Variants in TRDN observed in about 807,000 individuals in gnomAD.
TRDN encodes triadin, also known as triadin in skeletal muscle.
TRDN carries 161 observed loss-of-function variants against 149.7 expected under a neutral mutation model. The ratio of observed to expected loss-of-function variants is 1.08; its 90% CI spans 0.95 to 1.23. The LOEUF (loss-of-function observed/expected upper bound fraction) is 1.23. TRDN is among the 50% of genes most tolerant of loss of function. TRDN has a pLI of 0.00. For synonymous variants in TRDN, 294 were observed against 250.5 expected, an observed-to-expected ratio of 1.17 and a Z score of -1.64; for missense variants, 896 against 823.5, an observed-to-expected ratio of 1.09 and a Z score of -1.08.
chr6:123,611,836 C>A (rs1028342372), intron 1 of TRDN, among the ~76,000 whole-genome samples: 1 of 152,136 alleles, frequency 6.6e-6, no homozygotes, highest in African/African-American at 2.4e-5. Context: ...ATTTTTGGAT[C>A]AGTCAGAACC....
chr6:123,374,247 G>A (rs1429854680), intron 19 of TRDN, among the ~76,000 whole-genome samples: 1 of 147,844 alleles, frequency 6.8e-6, no homozygotes, highest in Non-Finnish European at 1.5e-5. Context: ...ATAGATAGCA[G>A]AACTTACAGA....
chr6:123,255,158 A>C, intron 36 of TRDN, 33 bp from the exon 37 acceptor site: 1 of 1,024,038 alleles, frequency 9.8e-7, no homozygotes, highest in Non-Finnish European at 1.4e-6. Flanking sequence ...TTAAAATATA[A>C]ATTTTTAAAG....
At position 123,636,834 on chromosome 6, in the gene TRDN, G is replaced by A; in HGVS notation, c.-59C>T. ...TTCCCGTCAAGTTGCACTTTGCAGA[G>A]TATTTGGGGATTTGAGAACTCTGGT... On this transcript the variant is annotated 5_prime_UTR_variant, in exon 1 of 41. Coordinates refer to ENST00000334268, the MANE Select transcript of TRDN (RefSeq NM_006073.4). The A allele has an allele frequency of 6.2e-7, 1 of 1,606,600 alleles. No homozygotes were observed. Among genetic ancestry groups the A allele is most frequent in the Non-Finnish European group, 8.5e-7 (1 of 1,174,270 alleles).
chr6:123,628,565 G>A (rs930237271), intron 1 of TRDN, among the ~76,000 whole-genome samples: 3 of 152,104 alleles, frequency 2.0e-5, no homozygotes, highest in African/African-American at 7.2e-5. Flanking sequence ...AACGCATGCT[G>A]TTGGAAAAAT....
At chr6:123,348,078 T>A (rs1780324699) in intron 21 of TRDN, among the ~76,000 whole-genome samples, 1 of 152,072 alleles carries the variant, frequency 6.6e-6, no homozygotes, top group Non-Finnish European at 1.5e-5. Flanking sequence ...TTTTCCTTTT[T>A]TTTCTGTATA....
intron 4 of TRDN, among the ~76,000 whole-genome samples, chr6:123,539,148 T>C (rs1780697441): frequency 6.6e-6 from 1 of 152,184 alleles, no homozygotes; most frequent in Non-Finnish European, 1.5e-5. Context: ...TTTTTAGAGA[T>C]CTACAATTTA....
intron 12 of TRDN, among the ~76,000 whole-genome samples, chr6:123,424,772 T>G (rs1384002958): frequency 6.6e-6 from 1 of 152,124 alleles, no homozygotes; most frequent in Admixed American, 6.6e-5. Flanking sequence ...ATGAATAGCC[T>G]TTTACACCTT....
intron 38 of TRDN, among the ~76,000 whole-genome samples, chr6:123,240,463 AC>A (rs1180523732): frequency 6.6e-6 from 1 of 151,820 alleles, no homozygotes; most frequent in Non-Finnish European, 1.5e-5. Flanking sequence ...ACTTGCTGAA[AC>A]AACGTAAAAA....
chr6:123,448,195 G>A (rs918925406), intron 10 of TRDN, among the ~76,000 whole-genome samples: 2 of 152,178 alleles, frequency 1.3e-5, no homozygotes, highest in Non-Finnish European at 2.9e-5. Flanking sequence ...AAAATCTCTA[G>A]CTGAACTTTG....
In TRDN at chr6:123,622,511, G is replaced by C. The variant is rs537508422; in HGVS notation, c.22+14243C>G. Among the ~76,000 whole-genome samples, 118 of 152,198 alleles carry C rather than the reference G, an allele frequency of 7.8e-4. 1 individual carries two copies. Among genetic ancestry groups the C allele is most frequent in the Non-Finnish European group, 9.1e-4 (62 of 67,988 alleles). On this transcript the variant is annotated intron_variant, in intron 1 of 40. Transcript: ENST00000334268. ...GTGTCCTTACCCTTGTGTTGTTCAA[G>C]AGTCAACCGCATATGTGAGTTATGA...
At chr6:123,410,280 A>C (rs1773379207) in intron 12 of TRDN, among the ~76,000 whole-genome samples, 1 of 152,206 alleles carries the variant, frequency 6.6e-6, no homozygotes, top group Admixed American at 6.5e-5. Context: ...CAGATATAAG[A>C]GATCAAATTG....
At chr6:123,580,967 C>T (rs1295185086) in intron 1 of TRDN, among the ~76,000 whole-genome samples, 3 of 152,142 alleles carry the variant, frequency 2.0e-5, no homozygotes, top group East Asian at 1.9e-4. Flanking sequence ...GACAGGGTCT[C>T]GCTGTATTGC....
Position 123,266,979 on chromosome 6 carries a change from A to C in TRDN, c.1783+728T>G, listed in dbSNP as rs77608857. Among the ~76,000 whole-genome samples the C allele has an allele frequency of 8.2e-3, 1,209 of 147,834 alleles. 22 individuals carry two copies. The highest frequency in any genetic ancestry group is 0.079 in the East Asian group (394 of 5,004). On this transcript the variant is annotated intron_variant, in intron 32 of 40. Coordinates refer to ENST00000334268, the MANE Select transcript of TRDN (RefSeq NM_006073.4). The stretch of plus-strand genomic sequence containing the variant: ...AAAATTAGCTGGGCATGGTGGCAGG[A>C]GCCTGTAGTCCCAGCTACTCGGGAG...
At chr6:123,231,669 C>T (rs1406452622) in intron 38 of TRDN, among the ~76,000 whole-genome samples, 1 of 151,746 alleles carries the variant, frequency 6.6e-6, no homozygotes, top group Non-Finnish European at 1.5e-5. Context: ...ATATATGGCC[C>T]AATCATTTTA....
rs1778486598 is a variant in TRDN at position 123,497,219 on chromosome 6, A to G, written c.827T>C (p.Ile276Thr). 24 of 1,559,470 alleles carry G rather than the reference A, an allele frequency of 1.5e-5. No homozygotes were observed. The highest frequency in any genetic ancestry group is 2.1e-5 in the Non-Finnish European group (24 of 1,153,710). Residue 276 changes from isoleucine to threonine, a missense_variant, in exon 9 of 41, where the codon ATA becomes ACA. By Grantham distance (89) the Ile-to-Thr change is moderately conservative. Coordinates refer to ENST00000334268, the MANE Select transcript of TRDN (RefSeq NM_006073.4). ...TGGTTTTAAATCCCCATGGACAAATATGTCAATCATATATCGACAGAATGC... is the reference window on the plus strand; with the variant it reads ...TGGTTTTAAATCCCCATGGACAAATGTGTCAATCATATATCGACAGAATGC... ...QYAFCRYMID[I>T]FVHGDLKPGQ...
chr6:123,630,374 T>C (rs1356262753), intron 1 of TRDN, among the ~76,000 whole-genome samples: 1 of 151,962 alleles, frequency 6.6e-6, no homozygotes, highest in Non-Finnish European at 1.5e-5. Flanking sequence ...AACACAAAGG[T>C]CAATGTAGAT....
intron 36 of TRDN, 63 bp downstream of exon 36, chr6:123,255,804 T>G: frequency 8.7e-7 from 1 of 1,155,792 alleles, no homozygotes; most frequent in Non-Finnish European, 1.2e-6. Flanking sequence ...TAAATACATT[T>G]TGACTTAAAA....
intron 6 of TRDN, among the ~76,000 whole-genome samples, chr6:123,513,580 T>C (rs4897260): frequency 0.85 from 128,948 of 152,088 alleles, 54,722 homozygotes; most frequent in East Asian, 0.88. Flanking sequence ...AAGAAATGGT[T>C]ACCTATTTCT....
chr6:123,529,204 T>A (rs1204835489), intron 5 of TRDN: 1 of 1,547,740 alleles, frequency 6.5e-7, no homozygotes. Flanking sequence ...ACCAGTTGAG[T>A]TTCTGTTTAA....
Sources: allele counts gnomAD v4.1 joint callset (sites outside exome capture counted in the v4.1 genomes callset), GRCh38; gene constraint gnomAD v4.1.1; transcripts MANE v1.5; gene names NCBI Gene and HGNC (gene_info 2026-07-23, HGNC 2026-07-21).